The following CEP131 variants were observed in gnomAD, a reference collection of about 807,000 sequenced individuals.
CEP131 encodes centrosomal protein 131, also known as centrosomal protein of 131 kDa.
CEP131 carries 99 observed loss-of-function variants against 136.8 expected under a neutral mutation model. That is an observed-to-expected ratio of 0.72 (90% CI 0.62 to 0.86). The LOEUF is 0.86. CEP131 is among the 40% of genes least tolerant of loss of function. The probability of loss-of-function intolerance (pLI) is 0.00; values close to 1 mark genes in which losing one functional copy is unlikely to be tolerated. For missense variants in CEP131, 1,459 were observed against 1,463.0 expected (o/e 1.00, Z 0.04); for synonymous variants, 646 against 612.7 (o/e 1.05, Z -0.80).
intron 19 of CEP131, 44 bp downstream of exon 19, chr17:81,192,692 A>G (rs1309300959): frequency 7.0e-7 from 1 of 1,427,154 alleles, no homozygotes; most frequent in Non-Finnish European, 9.6e-7. Context: ...GGGGTCAGCC[A>G]GCGAGGGGTC....
At chr17:81,199,952 C>G (rs538795447) in intron 8 of CEP131, 117 bp from the exon 9 acceptor site, 2 of 1,036,664 alleles carry the variant, frequency 1.9e-6, no homozygotes, top group African/African-American at 3.1e-5. Flanking sequence ...ATCTCAGGGC[C>G]AGCAGGGAAA....
chr17:81,216,150 A>T (rs2062241457), intron 2 of CEP131, among the ~76,000 whole-genome samples: 1 of 152,118 alleles, frequency 6.6e-6, no homozygotes, highest in Non-Finnish European at 1.5e-5. Flanking sequence ...ACCTGAGGTC[A>T]AGAGTTCAAG....
At position 81,194,915 on chromosome 17, in the gene CEP131, A is replaced by C. The variant is rs1295265039; in HGVS notation, c.2074T>G (p.Trp692Gly). The C allele has an allele frequency of 1.2e-6, 2 of 1,611,548 alleles. No individual in the cohort carries two copies. The highest frequency in any genetic ancestry group is 1.7e-6 in the Non-Finnish European group (2 of 1,179,616). The change falls in exon 17 of 26, where the codon TGG becomes GGG. Residue 692 changes from tryptophan to glycine, a missense_variant. This residue lies in a region of CEP131 where 1,026 missense variants were observed against 964.2 expected (regional missense o/e 1.06). Transcript: ENST00000450824. ...SATEKARREK[W>G]ISEKTKKIKE... ...ATCTTCTTGGTTTTCTCACTGATCC[A>C]CTTCTCCCGGCGGGCTTTCTCGGTG...
chr17:81,222,913 G>A lies in CEP131; in HGVS notation c.-162C>T, dbSNP rs1694423568. On this transcript the variant is annotated 5_prime_UTR_variant, in exon 1 of 26. Coordinates refer to ENST00000450824, the MANE Select transcript of CEP131 (RefSeq NM_014984.4). ...CCCGCCACCCCCAACACTGCCCCGAGGCCCGGTGACAATGAAGCGGCCGGA... is the reference window on the plus strand; with the variant it reads ...CCCGCCACCCCCAACACTGCCCCGAAGCCCGGTGACAATGAAGCGGCCGGA... The A allele has an allele frequency of 2.0e-5, 3 of 152,298 alleles. No homozygotes were observed. The highest frequency in any genetic ancestry group is 6.5e-5 in the Admixed American group (1 of 15,290). 9.4% of individuals were successfully genotyped at this position (152,298 alleles called of 1,614,324 possible).
chr17:81,202,736 C>T (rs552790512), intron 6 of CEP131, among the ~76,000 whole-genome samples: 5 of 152,112 alleles, frequency 3.3e-5, no homozygotes, highest in East Asian at 3.9e-4. Flanking sequence ...CCAAAGCGGG[C>T]GGATCACCTG....
rs775261298 is a variant in CEP131 at position 81,219,237 on chromosome 17, G to GTT, written c.177+641_177+642dup. 2.6e-5 allele frequency among the ~76,000 whole-genome samples: 4 copies of GTT among 151,782 alleles called. No individual in the cohort carries two copies. Among genetic ancestry groups the GTT allele is most frequent in the Non-Finnish European group, 4.4e-5 (3 of 67,974 alleles). On this transcript the variant is annotated intron_variant, in intron 2 of 25. Coordinates refer to ENST00000450824, the MANE Select transcript of CEP131 (RefSeq NM_014984.4). This position sits in a 1 kb window ranked among gnomAD's most constrained non-coding sequence, Gnocchi z 4.0. ...CCCACACACCCACACACCCGTCTAG[G>GTT]TTTCTCCAAGGCCACCAGGAGCTCA...
At position 81,203,759 on chromosome 17, in the gene CEP131, C is replaced by T; in HGVS notation, c.516-152G>A. On this transcript the variant is annotated intron_variant, in intron 5 of 25. Coordinates refer to ENST00000450824, the MANE Select transcript of CEP131 (RefSeq NM_014984.4). The surrounding 1 kb of genome is among the most constrained non-coding windows in gnomAD (Gnocchi z 4.6). ...CATTGTCGTCCAGTGTCCCCAGGCC[C>T]CTTCCACAGCCTGCGCCCTGATGAT... 1.6e-6 allele frequency: 1 copy of T among 618,364 alleles called. No individual in the cohort carries two copies. Among genetic ancestry groups the T allele is most frequent in the Non-Finnish European group, 2.8e-6 (1 of 352,206 alleles). 38.3% of individuals were successfully genotyped at this position (618,364 alleles called of 1,614,324 possible).
intron 6 of CEP131, among the ~76,000 whole-genome samples, chr17:81,202,627 C>T (rs2061918933): frequency 6.6e-6 from 1 of 152,168 alleles, no homozygotes; most frequent in South Asian, 2.1e-4. Flanking sequence ...CACTGGTACC[C>T]AGGATAATGA....
At chr17:81,199,667 ACG>A in intron 9 of CEP131, 50 bp downstream of exon 9, 1 of 1,600,640 alleles carries the variant, frequency 6.2e-7, no homozygotes, top group Non-Finnish European at 8.5e-7. Flanking sequence ...GCAGCCCCGC[ACG>A]GTCAGGCCTG....
In CEP131 at chr17:81,192,767, C is replaced by G; in HGVS notation, c.2398G>C (p.Glu800Gln). 1 of 1,593,712 alleles carries G rather than the reference C, an allele frequency of 6.3e-7. No individual in the cohort carries two copies. The highest frequency in any genetic ancestry group is 8.5e-7 in the Non-Finnish European group (1 of 1,175,134). The change falls in exon 19 of 26, where the codon GAG (glutamate) becomes CAG (glutamine). Residue 800 changes from glutamate to glutamine, a missense_variant. Physicochemically the swap from Glu to Gln is conservative, Grantham distance 29. Around this residue, in one of 3 missense-constraint regions of CEP131, gnomAD observed 1,026 missense variants for 964.2 expected, o/e 1.06. Transcript: ENST00000450824. ...RQRLYSEVAEERERLGQQAAR... is the reference protein window; with the variant it reads ...RQRLYSEVAEQRERLGQQAAR... ...GCCTGCTGGCCCAGCCGCTCCCTCT[C>G]CTCAGCCACCTCACTGTACAGCCGC...
intron 17 of CEP131, among the ~76,000 whole-genome samples, chr17:81,194,554 G>A (rs542022218): frequency 1.5e-4 from 23 of 152,336 alleles, no homozygotes; most frequent in South Asian, 1.0e-3. Flanking sequence ...CAGGGCCCAC[G>A]TGCCACAGTC....
intron 5 of CEP131, among the ~76,000 whole-genome samples, chr17:81,205,615 G>T (rs1249077016): frequency 1.3e-5 from 2 of 152,022 alleles, no homozygotes; most frequent in Non-Finnish European, 2.9e-5. Flanking sequence ...TAAATTTTAG[G>T]ACCAGGTGTG....
chr17:81,200,382 G>A lies in CEP131; in HGVS notation c.853C>T (p.Arg285Trp), dbSNP rs3803764. The A allele has an allele frequency of 3.9e-3, 6,128 of 1,572,472 alleles. 137 individuals are homozygous for A. The East Asian group carries it at 0.061, about 16-fold the overall frequency. The change falls in exon 8 of 26, where the codon CGG becomes TGG. Residue 285 changes from arginine to tryptophan, a missense_variant. Coordinates refer to ENST00000450824, the MANE Select transcript of CEP131 (RefSeq NM_014984.4). ...AGGCGGGCAGCTCCTGCTCCGCGCC[G>A]CTGCACCTGGTGCCGGTACCAGCGC... ...IQRWYRHQVQ[R>W]RGAGAARLEH...
chr17:81,218,203 C>A (rs982980475), intron 2 of CEP131, among the ~76,000 whole-genome samples: 2 of 152,140 alleles, frequency 1.3e-5, no homozygotes, highest in Admixed American at 6.5e-5. Flanking sequence ...CCACCACGCC[C>A]GGCTAATTTT....
intron 2 of CEP131, among the ~76,000 whole-genome samples, chr17:81,218,349 T>G (rs1428062480): frequency 2.0e-5 from 3 of 152,216 alleles, no homozygotes; most frequent in Non-Finnish European, 4.4e-5. Context: ...AGCCCAGATC[T>G]GCGATTTCGA....
Position 81,203,671 on chromosome 17 carries a change from G to T in CEP131, c.516-64C>A. 1 of 1,294,552 alleles carries T rather than the reference G, an allele frequency of 7.7e-7. No homozygotes were observed. Among genetic ancestry groups the T allele is most frequent in the Non-Finnish European group, 1.1e-6 (1 of 925,094 alleles). 80.2% of individuals were successfully genotyped at this position (1,294,552 alleles called of 1,614,324 possible). On this transcript the variant is annotated intron_variant, in intron 5 of 25. Coordinates refer to ENST00000450824, the MANE Select transcript of CEP131 (RefSeq NM_014984.4). The surrounding 1 kb of genome is among the most constrained non-coding windows in gnomAD (Gnocchi z 4.6). ...TGGAGGGGACGCCTGAGATCTCAGA[G>T]CTACACTCGCAGCACGGGCTGGGAG...
chr17:81,214,350 G>GT (rs1240704139), intron 2 of CEP131, among the ~76,000 whole-genome samples: 1 of 152,192 alleles, frequency 6.6e-6, no homozygotes, highest in Non-Finnish European at 1.5e-5. Flanking sequence ...GAGGTCAGTA[G>GT]TTTGAGACCA....
At chr17:81,218,372 C>T (rs915282510) in intron 2 of CEP131, among the ~76,000 whole-genome samples, 1 of 152,188 alleles carries the variant, frequency 6.6e-6, no homozygotes, top group Non-Finnish European at 1.5e-5. Flanking sequence ...GCGTCTTCCC[C>T]GCCCCATGTG....
At chr17:81,211,808 C>T (rs1023841997) in intron 2 of CEP131, among the ~76,000 whole-genome samples, 1 of 151,940 alleles carries the variant, frequency 6.6e-6, no homozygotes, top group African/African-American at 2.4e-5. Flanking sequence ...TGGCATGCAC[C>T]TACAGTCCCA....
Sources: gnomAD v4.1 joint callset for allele counts (sites outside exome capture counted in the v4.1 genomes callset) on GRCh38, gnomAD v4.1.1 for gene constraint, gnomAD v4.1.1 regional missense constraint, Gnocchi (gnomAD v3.1) non-coding constraint, MANE v1.5 for transcripts, NCBI Gene and HGNC (gene_info 2026-07-23, HGNC 2026-07-21) for gene names.